The following LIN52 variants were observed in gnomAD, a reference collection of about 807,000 sequenced individuals.
The protein encoded by LIN52 is lin-52 DREAM MuvB core complex component.
LIN52 carries 4 observed loss-of-function variants against 18.5 expected under a neutral mutation model. That is an observed-to-expected ratio of 0.22 (90% CI 0.11 to 0.49). The LOEUF is 0.49. Among genes scored for constraint, LIN52 ranks in the 20% least tolerant of loss-of-function variants. The pLI is 0.97. For synonymous variants in LIN52, 34 were observed against 45.5 expected (o/e 0.75, Z 1.02); for missense variants, 102 against 139.5 (o/e 0.73, Z 1.35).
At chr14:74,175,739 CACACACACACA>C (rs1192214241) in intron 5 of LIN52, among the ~76,000 whole-genome samples, 1 of 142,504 alleles carries the variant, frequency 7.0e-6, no homozygotes, top group Non-Finnish European at 1.5e-5. Flanking sequence ...CACACACACA[CACACACACACA>C]CCCCCATTAT....
At chr14:74,101,319 C>A (rs974959517) in intron 5 of LIN52, 81 bp downstream of exon 5, 1 of 873,574 alleles carries the variant, frequency 1.1e-6, no homozygotes, top group Non-Finnish European at 1.7e-6. Flanking sequence ...GTATTCCACC[C>A]TGAGCTCCAG....
rs145804883 is a variant in LIN52, at chr14:74,123,727, A to G, written c.283+22489A>G. Among the ~76,000 whole-genome samples, 155 of 152,286 alleles carry G rather than the reference A, an allele frequency of 1.0e-3. 2 individuals are homozygous for G. Among genetic ancestry groups the G allele is most frequent in the Admixed American group, 9.2e-3 (141 of 15,300 alleles). On this transcript the variant is annotated intron_variant, in intron 5 of 5. Coordinates refer to ENST00000555028, the MANE Select transcript of LIN52 (RefSeq NM_001024674.3). ...ATCTCTTGAGGGTGGGCTGGACCTA[A>G]TGATAGTAAAAGTGATGGAATCCCA...
rs142580237 is a variant in LIN52 at position 74,176,963 on chromosome 14, G to A, written c.284-21959G>A. Among the ~76,000 whole-genome samples the A allele has an allele frequency of 3.7e-3, 559 of 149,444 alleles. 2 individuals are homozygous for A. Among genetic ancestry groups the A allele is most frequent in the African/African-American group, 0.013 (546 of 40,924 alleles). ...CCATTACATGGATAAACTATGTTTT[G>A]TTTATTCATTCATCAGTGGGACATT... On this transcript the variant is annotated intron_variant, in intron 5 of 5. Coordinates refer to ENST00000555028, the MANE Select transcript of LIN52 (RefSeq NM_001024674.3).
chr14:74,158,769 C>T (rs779910412), intron 5 of LIN52, among the ~76,000 whole-genome samples: 3 of 152,220 alleles, frequency 2.0e-5, no homozygotes, highest in African/African-American at 7.2e-5. Context: ...TGAGCCACTG[C>T]GCCCAGCCGT....
chr14:74,160,485 G>A (rs2061219503), intron 5 of LIN52, among the ~76,000 whole-genome samples: 1 of 152,262 alleles, frequency 6.6e-6, no homozygotes, highest in Admixed American at 6.5e-5. Flanking sequence ...ACTATTTTAT[G>A]TAGTTCCATA....
chr14:74,146,438 T>G (rs1180561117), intron 5 of LIN52, among the ~76,000 whole-genome samples: 3 of 152,146 alleles, frequency 2.0e-5, no homozygotes, highest in Non-Finnish European at 4.4e-5. Context: ...GGTGGACCAC[T>G]AGGTTCACTA....
chr14:74,139,120 TA>T (rs1209332772), intron 5 of LIN52, among the ~76,000 whole-genome samples: 1 of 152,072 alleles, frequency 6.6e-6, no homozygotes, highest in Non-Finnish European at 1.5e-5. Context: ...GAATTTAATT[TA>T]AAAAAGGGAT....
intron 4 of LIN52, among the ~76,000 whole-genome samples, chr14:74,100,621 G>A (rs967801048): frequency 1.3e-5 from 2 of 152,018 alleles, no homozygotes; most frequent in Admixed American, 6.6e-5. Context: ...GACTACAGGC[G>A]CCTGCCACCA....
chr14:74,106,080 T>C (rs115552075), intron 5 of LIN52, among the ~76,000 whole-genome samples: 2,403 of 152,276 alleles, frequency 0.016, 62 homozygotes, highest in African/African-American at 0.054. Flanking sequence ...TTATATGAAA[T>C]TCCCTTGAAA....
intron 5 of LIN52, among the ~76,000 whole-genome samples, chr14:74,179,828 G>A (rs1382846222): frequency 1.3e-5 from 2 of 152,134 alleles, no homozygotes; most frequent in Non-Finnish European, 2.9e-5. Flanking sequence ...TCCTCTGTTA[G>A]TAATGAATTA....
chr14:74,105,749 C>T (rs2060893670), intron 5 of LIN52, among the ~76,000 whole-genome samples: 1 of 151,924 alleles, frequency 6.6e-6, no homozygotes, highest in African/African-American at 2.4e-5. Flanking sequence ...GACCAGTGAT[C>T]CTGTTTTTAT....
intron 5 of LIN52, among the ~76,000 whole-genome samples, chr14:74,111,362 C>G (rs1213328933): frequency 6.6e-6 from 1 of 151,966 alleles, no homozygotes; most frequent in Non-Finnish European, 1.5e-5. Flanking sequence ...AGTCATAGCT[C>G]ACTGCAGCCT....
chr14:74,199,522 T>C lies in LIN52; in HGVS notation c.*545T>C, dbSNP rs45569432. Reference sequence around the variant, plus strand: ...CCCAGCTGAAGAAACCAGAATCTTCTCGAAATGTATATCTGTTTTTTAAAA... The same window carrying C: ...CCCAGCTGAAGAAACCAGAATCTTCCCGAAATGTATATCTGTTTTTTAAAA... On this transcript the variant is annotated 3_prime_UTR_variant, in exon 6 of 6. Transcript: ENST00000555028. The C allele has an allele frequency of 0.086, 13,064 of 152,392 alleles. 715 individuals are homozygous for C. The highest frequency in any genetic ancestry group is 0.23 in the South Asian group (1,098 of 4,828). The allele number at this position is 152,392 out of a possible 1,614,324, so 9.4% of individuals were successfully genotyped here. A position where few individuals can be genotyped will look rare whatever the true frequency, so the allele number is the denominator to read the frequency against.
intron 5 of LIN52, among the ~76,000 whole-genome samples, chr14:74,168,788 G>A (rs758390109): frequency 6.6e-6 from 1 of 152,202 alleles, no homozygotes; most frequent in South Asian, 2.1e-4. Context: ...CATAGGCCAG[G>A]TGTGGTGGCT....
At chr14:74,145,558 C>T (rs2061149957) in intron 5 of LIN52, among the ~76,000 whole-genome samples, 1 of 152,174 alleles carries the variant, frequency 6.6e-6, no homozygotes, top group East Asian at 1.9e-4. Context: ...TTGTCCATGG[C>T]ATTTTTTGAT....
At chr14:74,133,881 G>A (rs970494966) in intron 5 of LIN52, among the ~76,000 whole-genome samples, 13 of 152,154 alleles carry the variant, frequency 8.5e-5, no homozygotes, top group Admixed American at 2.6e-4. Flanking sequence ...TTCTTTTAGT[G>A]GAGAGTGGAG....
At chr14:74,182,148 C>A (rs1187418164) in intron 5 of LIN52, among the ~76,000 whole-genome samples, 2 of 93,210 alleles carry the variant, frequency 2.1e-5, no homozygotes, top group African/African-American at 6.6e-5. Flanking sequence ...GTTGCTGGGA[C>A]CACAGGTGCA....
chr14:74,099,632 T>C (rs575207710), intron 4 of LIN52, among the ~76,000 whole-genome samples: 1 of 150,798 alleles, frequency 6.6e-6, no homozygotes, highest in African/African-American at 2.4e-5. Flanking sequence ...GAGACTGGAG[T>C]TTTTTTTATT....
chr14:74,089,953 G>A (rs1301674825), intron 1 of LIN52, among the ~76,000 whole-genome samples: 2 of 152,028 alleles, frequency 1.3e-5, no homozygotes, highest in African/African-American at 2.4e-5. Flanking sequence ...CCAGCCCCAC[G>A]GTAGCATCTA....
Sources: allele counts gnomAD v4.1 joint callset (sites outside exome capture counted in the v4.1 genomes callset), GRCh38; gene constraint gnomAD v4.1.1; transcripts MANE v1.5; gene names NCBI Gene and HGNC (gene_info 2026-07-23, HGNC 2026-07-21).